Variants in ABRACL observed in about 807,000 individuals in gnomAD.
ABRACL encodes ABRA C-terminal like.
ABRACL carries 4 observed loss-of-function variants against 7.0 expected under a neutral mutation model. The ratio of observed to expected loss-of-function variants is 0.57; its 90% CI spans 0.28 to 1.30. The LOEUF (loss-of-function observed/expected upper bound fraction) is 1.30, where lower values mean the gene tolerates loss of function less well. Ranked by LOEUF, ABRACL falls within the 50% of genes most tolerant of loss-of-function variation. The pLI is 0.10. For missense variants in ABRACL, 104 were observed against 97.3 expected (o/e 1.07, Z -0.29); for synonymous variants, 30 against 36.0 (o/e 0.83, Z 0.60).
intron 1 of ABRACL, among the ~76,000 whole-genome samples, chr6:139,029,893 T>A (rs1786055295): frequency 6.6e-6 from 1 of 152,202 alleles, no homozygotes; most frequent in South Asian, 2.1e-4. Context: ...TCCAAACTTT[T>A]GAAAAATAAC....
intron 1 of ABRACL, among the ~76,000 whole-genome samples, chr6:139,033,778 C>A (rs939533708): frequency 6.6e-5 from 10 of 151,424 alleles, no homozygotes; most frequent in Admixed American, 3.3e-4. Flanking sequence ...ATGTGAGATC[C>A]CCGAGGGCAG....
chr6:139,030,821 G>A (rs1165099576), intron 1 of ABRACL, among the ~76,000 whole-genome samples: 2 of 152,148 alleles, frequency 1.3e-5, no homozygotes, highest in Non-Finnish European at 2.9e-5. Flanking sequence ...CCCCTGTTTC[G>A]TTATCCTTAA....
intron 2 of ABRACL, among the ~76,000 whole-genome samples, chr6:139,041,425 A>ATCTCTCTCTCTC (rs72110050): frequency 7.4e-4 from 87 of 117,244 alleles, no homozygotes; most frequent in South Asian, 4.8e-3. Context: ...CACCAGACCC[A>ATCTCTCTCTCTC]TCTCTCTCTC....
Position 139,042,789 on chromosome 6 carries a change from A to G in ABRACL, c.132A>G (p.Glu44=). Reference sequence around the variant, plus strand: ...ATGATAAATGTGCCAACCTCTTTGAAGCATTGGTAGGAACTCTTAAAGCTG... The same window carrying G: ...ATGATAAATGTGCCAACCTCTTTGAGGCATTGGTAGGAACTCTTAAAGCTG... The part of the protein sequence containing the change: ...FRDDKCANLF[E]ALVGTLKAAK... Residue 44 remains glutamate (E), a synonymous_variant, in exon 3 of 3, where the codon GAA becomes GAG. Coordinates refer to ENST00000367660, the MANE Select transcript of ABRACL (RefSeq NM_021243.3). 1.2e-6 allele frequency: 2 copies of G among 1,614,058 alleles called. No homozygotes were observed. The highest frequency in any genetic ancestry group is 1.7e-6 in the Non-Finnish European group (2 of 1,179,994).
rs567718094 is a variant in ABRACL at position 139,033,592 on chromosome 6, C to T, written c.-6-563C>T. On this transcript the variant is annotated intron_variant, in intron 1 of 2. Coordinates refer to ENST00000367660, the MANE Select transcript of ABRACL (RefSeq NM_021243.3). ...CCTTTGTTGCCTTGCTTTGTGTATG[C>T]ACTTCCTCCTGTGTAGAGTGCCCTA... 8.0e-4 allele frequency among the ~76,000 whole-genome samples: 122 copies of T among 152,282 alleles called. 2 individuals carry two copies. Among genetic ancestry groups the T allele is most frequent in the Non-Finnish European group, 3.2e-4 (22 of 68,034 alleles).
chr6:139,036,412 C>T (rs1047339146), intron 2 of ABRACL, among the ~76,000 whole-genome samples: 12 of 152,094 alleles, frequency 7.9e-5, no homozygotes, highest in African/African-American at 2.9e-4. Context: ...CTTCGGGGGC[C>T]TTTATTCTTC....
At chr6:139,032,953 G>C (rs1260171030) in intron 1 of ABRACL, among the ~76,000 whole-genome samples, 1 of 152,242 alleles carries the variant, frequency 6.6e-6, no homozygotes, top group Non-Finnish European at 1.5e-5. Context: ...CTGTAGAAGT[G>C]AAAGTCCAGA....
chr6:139,032,030 G>T (rs886619669), intron 1 of ABRACL, among the ~76,000 whole-genome samples: 2 of 151,620 alleles, frequency 1.3e-5, no homozygotes, highest in Admixed American at 6.6e-5. Flanking sequence ...GCGTGATCTC[G>T]GCTCACTGCA....
chr6:139,043,158 G>A lies in ABRACL; in HGVS notation c.*255G>A. ...AGGCAATGAGATTTTTTGCGGGGCA[G>A]GGATGGGAATGTTTGTTCATAAATA... is the stretch of plus-strand genomic sequence containing the variant. On this transcript the variant is annotated 3_prime_UTR_variant, in exon 3 of 3. Coordinates refer to ENST00000367660, the MANE Select transcript of ABRACL (RefSeq NM_021243.3). 3.3e-6 allele frequency: 1 copy of A among 299,708 alleles called. No individual in the cohort carries two copies. The highest frequency in any genetic ancestry group is 2.1e-5 in the African/African-American group (1 of 46,514). 18.6% of individuals were successfully genotyped at this position (299,708 alleles called of 1,614,324 possible). A position where few individuals can be genotyped will look rare whatever the true frequency, so the allele number is the denominator to read the frequency against.
Position 139,042,959 on chromosome 6 carries a change from TA to T in ABRACL, c.*59del. ...TTTTTGTTTCTGGTAAACTGGAATA[TA>T]AAGTGAAAGAACAAACATTTGAACA... On this transcript the variant is annotated 3_prime_UTR_variant, in exon 3 of 3. Coordinates refer to ENST00000367660, the MANE Select transcript of ABRACL (RefSeq NM_021243.3). The T allele has an allele frequency of 7.1e-7, 1 of 1,412,520 alleles. No homozygotes were observed. Among genetic ancestry groups the T allele is most frequent in the South Asian group, 1.4e-5 (1 of 70,658 alleles). 87.5% of individuals were successfully genotyped at this position (1,412,520 alleles called of 1,614,324 possible).
intron 2 of ABRACL, among the ~76,000 whole-genome samples, chr6:139,039,802 C>G (rs1334748710): frequency 6.6e-6 from 1 of 152,062 alleles, no homozygotes; most frequent in East Asian, 1.9e-4. Flanking sequence ...TTTAGAAGGT[C>G]ATAGGGAGCC....
At chr6:139,034,342 C>T (rs767606155) in intron 2 of ABRACL, 121 bp downstream of exon 2, 14 of 1,585,670 alleles carry the variant, frequency 8.8e-6, no homozygotes, top group Non-Finnish European at 1.2e-5. Flanking sequence ...TCTGGGAGCT[C>T]TGCCCACAGC....
At chr6:139,029,305 C>T (rs998075101) in intron 1 of ABRACL, among the ~76,000 whole-genome samples, 1 of 152,056 alleles carries the variant, frequency 6.6e-6, no homozygotes, top group African/African-American at 2.4e-5. Flanking sequence ...GACTCTGCAG[C>T]GCCGGAGGTG....
chr6:139,043,159 G>A lies in ABRACL; in HGVS notation c.*256G>A. 3.4e-6 allele frequency: 1 copy of A among 294,226 alleles called. No individual in the cohort carries two copies. Among genetic ancestry groups the A allele is most frequent in the Non-Finnish European group, 6.2e-6 (1 of 161,472 alleles). 18.2% of individuals were successfully genotyped at this position (294,226 alleles called of 1,614,324 possible). On this transcript the variant is annotated 3_prime_UTR_variant, in exon 3 of 3. Transcript: ENST00000367660. ...GGCAATGAGATTTTTTGCGGGGCAG[G>A]GATGGGAATGTTTGTTCATAAATAA...
chr6:139,031,239 T>G (rs1440477340), intron 1 of ABRACL, among the ~76,000 whole-genome samples: 2 of 152,206 alleles, frequency 1.3e-5, no homozygotes, highest in Non-Finnish European at 2.9e-5. Flanking sequence ...ATGTCTGCAT[T>G]AATATTTCTA....
At chr6:139,041,491 A>ATGTGTGTGTGTG (rs1165991838) in intron 2 of ABRACL, among the ~76,000 whole-genome samples, 1 of 63,310 alleles carries the variant, frequency 1.6e-5, no homozygotes, top group East Asian at 7.1e-4. Context: ...CTATATATAT[A>ATGTGTGTGTGTG]TATGTGTGTG....
intron 1 of ABRACL, among the ~76,000 whole-genome samples, chr6:139,029,655 C>T (rs1483403921): frequency 6.6e-6 from 1 of 152,128 alleles, no homozygotes; most frequent in Non-Finnish European, 1.5e-5. Flanking sequence ...CCAGGCAGAA[C>T]CCCAAGCTGG....
intron 1 of ABRACL, among the ~76,000 whole-genome samples, chr6:139,032,120 C>T (rs1334690556): frequency 1.3e-5 from 2 of 152,126 alleles, no homozygotes; most frequent in Non-Finnish European, 2.9e-5. Context: ...GCCACCACGC[C>T]CGGCTAATTT....
At chr6:139,031,308 T>C (rs2114296968) in intron 1 of ABRACL, among the ~76,000 whole-genome samples, 1 of 152,340 alleles carries the variant, frequency 6.6e-6, no homozygotes, top group Middle Eastern at 3.4e-3. Context: ...ATAACTTTTT[T>C]ATATGGCTCT....
Sources: gnomAD v4.1 joint callset for allele counts (sites outside exome capture counted in the v4.1 genomes callset) on GRCh38, gnomAD v4.1.1 for gene constraint, MANE v1.5 for transcripts, NCBI Gene and HGNC (gene_info 2026-07-23, HGNC 2026-07-21) for gene names.